The following IGSF21 variants were observed in gnomAD, a reference collection of about 807,000 sequenced individuals.
The protein encoded by IGSF21 is immunoglobulin superfamily member 21.
IGSF21 carries 28 observed loss-of-function variants against 46.8 expected under a neutral mutation model. The observed-to-expected ratio is 0.60, with a 90% CI of 0.44 to 0.82. The LOEUF is 0.82. Among genes scored for constraint, IGSF21 ranks in the 40% least tolerant of loss-of-function variants. The pLI is 0.00. For synonymous variants in IGSF21, 284 were observed against 273.6 expected, an observed-to-expected ratio of 1.04 and a Z score of -0.38; for missense variants, 624 against 665.5, an observed-to-expected ratio of 0.94 and a Z score of 0.69.
chr1:18,182,694 A>G (rs572097010), intron 1 of IGSF21, among the ~76,000 whole-genome samples: 2 of 152,338 alleles, frequency 1.3e-5, no homozygotes, highest in South Asian at 4.1e-4. Flanking sequence ...ATGAAACATG[A>G]AACTCTTTCC....
chr1:18,265,987 C>G (rs942807177), intron 2 of IGSF21, among the ~76,000 whole-genome samples: 1 of 152,118 alleles, frequency 6.6e-6, no homozygotes, highest in Non-Finnish European at 1.5e-5. Flanking sequence ...TTTAATGCAG[C>G]CTTGATGAAG....
chr1:18,375,910 C>A (rs1259413653), intron 6 of IGSF21: 1 of 194,328 alleles, frequency 5.1e-6, no homozygotes, highest in Non-Finnish European at 1.1e-5. Context: ...GGCTGCTCCC[C>A]CTCAGCAGCC....
intron 3 of IGSF21, among the ~76,000 whole-genome samples, chr1:18,295,777 G>C (rs773253823): frequency 2.0e-4 from 30 of 152,242 alleles, no homozygotes; most frequent in Non-Finnish European, 3.4e-4. Context: ...ACATGAGAAA[G>C]GTGAGAAGTG....
At chr1:18,374,527 C>G (rs2086261003) in intron 6 of IGSF21, among the ~76,000 whole-genome samples, 2 of 151,866 alleles carry the variant, frequency 1.3e-5, no homozygotes, top group Admixed American at 6.5e-5. Flanking sequence ...GCCAGTGGCC[C>G]TTCCACACGA....
chr1:18,305,098 A>G (rs944007273), intron 3 of IGSF21, among the ~76,000 whole-genome samples: 1 of 152,214 alleles, frequency 6.6e-6, no homozygotes, highest in African/African-American at 2.4e-5. Context: ...TTCCTGGGAA[A>G]GTAAGGCTGA....
At chr1:18,201,708 G>C (rs960633598) in intron 1 of IGSF21, among the ~76,000 whole-genome samples, 1 of 152,024 alleles carries the variant, frequency 6.6e-6, no homozygotes, top group Admixed American at 6.6e-5. Flanking sequence ...CTCTCATTGG[G>C]GTGTGTGTCG....
At chr1:18,311,551 T>C (rs2085488912) in intron 3 of IGSF21, among the ~76,000 whole-genome samples, 1 of 152,232 alleles carries the variant, frequency 6.6e-6, no homozygotes, top group Admixed American at 6.5e-5. Context: ...ACCTGGATTG[T>C]TCCAGGAGGA....
chr1:18,190,140 C>A (rs189919448), intron 1 of IGSF21, among the ~76,000 whole-genome samples: 19 of 152,328 alleles, frequency 1.2e-4, no homozygotes, highest in African/African-American at 4.1e-4. Flanking sequence ...CCAGAGGTGG[C>A]CCCCATCTGT....
At chr1:18,250,098 G>GCTCC (rs781326742) in intron 2 of IGSF21, among the ~76,000 whole-genome samples, 16,322 of 59,308 alleles carry the variant, frequency 0.28, 2,952 homozygotes, top group South Asian at 0.43. Flanking sequence ...TCCCTCCCTC[G>GCTCC]CTCCCTCCCT....
chr1:18,377,955 C>T (rs1346904133), intron 9 of IGSF21, among the ~76,000 whole-genome samples: 1 of 152,196 alleles, frequency 6.6e-6, no homozygotes, highest in African/African-American at 2.4e-5. Flanking sequence ...ACGCTGCTCC[C>T]AGGCCTGCCA....
At chr1:18,319,634 G>T (rs1223413337) in intron 3 of IGSF21, among the ~76,000 whole-genome samples, 1 of 152,200 alleles carries the variant, frequency 6.6e-6, no homozygotes, top group East Asian at 1.9e-4. Flanking sequence ...ACGAATGTAA[G>T]TATGTCTAGC....
intron 1 of IGSF21, among the ~76,000 whole-genome samples, chr1:18,125,142 C>A (rs2086265132): frequency 2.0e-5 from 3 of 152,218 alleles, no homozygotes; most frequent in Admixed American, 1.3e-4. Flanking sequence ...GCCACACAGG[C>A]TCTCAGCACT....
At chr1:18,291,779 T>C in intron 2 of IGSF21, 87 bp from the exon 3 acceptor site, 1 of 1,508,760 alleles carries the variant, frequency 6.6e-7, no homozygotes, top group East Asian at 2.3e-5. Context: ...CTGGGCTTCC[T>C]GCCTGCATCT....
intron 2 of IGSF21, among the ~76,000 whole-genome samples, chr1:18,272,553 G>A (rs1001674905): frequency 1.3e-5 from 2 of 152,198 alleles, no homozygotes; most frequent in African/African-American, 2.4e-5. Context: ...TGTTGTCATC[G>A]CTGCTCTCCA....
In IGSF21 at chr1:18,170,741, C is replaced by G. The variant is rs74055927; in HGVS notation, c.71-57157C>G. Among the ~76,000 whole-genome samples, 681 of 152,078 alleles carry G rather than the reference C, an allele frequency of 4.5e-3. 6 individuals are homozygous for G. Among genetic ancestry groups the G allele is most frequent in the African/African-American group, 0.016 (649 of 41,494 alleles). ...CATGCTTTAAAGCACACTGCTATCC[C>G]GGTTCTGATGAAGGCTGAGGAAATC... On this transcript the variant is annotated intron_variant, in intron 1 of 9. Transcript: ENST00000251296.
Position 18,227,911 on chromosome 1 carries a change from C to G in IGSF21, c.84C>G (p.Val28=). 6.2e-7 allele frequency: 1 copy of G among 1,613,872 alleles called. No individual in the cohort carries two copies. Among genetic ancestry groups the G allele is most frequent in the Non-Finnish European group, 8.5e-7 (1 of 1,179,822 alleles). Residue 28 remains valine (V), a synonymous_variant, in exon 2 of 10, where the codon GTC becomes GTG. Coordinates refer to ENST00000251296, the MANE Select transcript of IGSF21 (RefSeq NM_032880.5). ...ILDLARGYLT[V]NIEPLPPVVA... is the part of the protein sequence containing the mutation. ...TCTCTTCTGTAGGCTACCTGACAGT[C>G]AACATTGAGCCTCTCCCCCCTGTGG...
chr1:18,121,978 C>G (rs1188824256), intron 1 of IGSF21, among the ~76,000 whole-genome samples: 1 of 152,160 alleles, frequency 6.6e-6, no homozygotes, highest in Non-Finnish European at 1.5e-5. Context: ...TGAGCCAGGT[C>G]CTGGGTCACC....
Position 18,137,460 on chromosome 1 carries a change from A to C in IGSF21, c.70+29262A>C, listed in dbSNP as rs146350556. Among the ~76,000 whole-genome samples the C allele has an allele frequency of 8.8e-4, 134 of 152,164 alleles. 3 individuals carry two copies. The East Asian group carries it at 0.026, about 29-fold the overall frequency. On this transcript the variant is annotated intron_variant, in intron 1 of 9. Coordinates refer to ENST00000251296, the MANE Select transcript of IGSF21 (RefSeq NM_032880.5). ...TGCTCACCCCACCCTAAGAGATTGG[A>C]GCCACTGTTATTCTTGTTTCACAGA...
At chr1:18,324,109 A>G (rs1166040799) in intron 3 of IGSF21, among the ~76,000 whole-genome samples, 2 of 152,052 alleles carry the variant, frequency 1.3e-5, no homozygotes, top group East Asian at 1.9e-4. Flanking sequence ...AGCCCACCAC[A>G]TTAAGAATGG....
Sources: gnomAD v4.1 joint callset for allele counts (sites outside exome capture counted in the v4.1 genomes callset) on GRCh38, gnomAD v4.1.1 for gene constraint, MANE v1.5 for transcripts, NCBI Gene and HGNC (gene_info 2026-07-23, HGNC 2026-07-21) for gene names.